Variants in LAMC1 observed in about 807,000 individuals in gnomAD.
LAMC1 encodes the protein laminin subunit gamma 1, also known as laminin subunit gamma-1.
LAMC1 carries 38 observed loss-of-function variants against 173.6 expected under a neutral mutation model. That is an observed-to-expected ratio of 0.22 (90% confidence interval 0.17 to 0.29). LAMC1 has a LOEUF of 0.29. Among genes scored for constraint, LAMC1 ranks in the 10% least tolerant of loss-of-function variants. LAMC1 has a pLI of 1.00. For synonymous variants in LAMC1, 746 were observed against 749.1 expected (o/e 1.00, Z 0.07); for missense variants, 1,824 against 2,051.8 (o/e 0.89, Z 2.14).
intron 1 of LAMC1, among the ~76,000 whole-genome samples, chr1:183,067,898 T>C (rs554959358): frequency 6.6e-6 from 1 of 152,344 alleles, no homozygotes; most frequent in Non-Finnish European, 1.5e-5. Flanking sequence ...GGAAAATCTA[T>C]TATTAGAGGG....
At chr1:183,118,556 C>G (rs1656385916) in intron 11 of LAMC1, among the ~76,000 whole-genome samples, 1 of 152,038 alleles carries the variant, frequency 6.6e-6, no homozygotes, top group Non-Finnish European at 1.5e-5. Context: ...AACCCCGTCT[C>G]TATTAAAAAT....
intron 2 of LAMC1, among the ~76,000 whole-genome samples, chr1:183,104,184 G>C (rs116827451): frequency 0.012 from 1,773 of 152,268 alleles, 29 homozygotes; most frequent in African/African-American, 0.038. Context: ...ACCTAAAATG[G>C]ATGATGTTAG....
chr1:183,100,635 A>G (rs139390952), intron 1 of LAMC1, among the ~76,000 whole-genome samples: 58 of 152,284 alleles, frequency 3.8e-4, no homozygotes, highest in African/African-American at 1.3e-3. Flanking sequence ...TGAACTCATA[A>G]ATCTGGGTTA....
At chr1:183,073,756 A>G (rs1655064567) in intron 1 of LAMC1, among the ~76,000 whole-genome samples, 1 of 152,234 alleles carries the variant, frequency 6.6e-6, no homozygotes, top group African/African-American at 2.4e-5. Context: ...ATGGTTAGGC[A>G]CATTAAAAAA....
chr1:183,089,465 A>G (rs1269210417), intron 1 of LAMC1, among the ~76,000 whole-genome samples: 1 of 152,216 alleles, frequency 6.6e-6, no homozygotes, highest in Non-Finnish European at 1.5e-5. Flanking sequence ...TGAATATGCT[A>G]TATACATAAT....
At chr1:183,096,242 G>A (rs948600328) in intron 1 of LAMC1, among the ~76,000 whole-genome samples, 27 of 152,050 alleles carry the variant, frequency 1.8e-4, no homozygotes, top group African/African-American at 6.5e-4. Flanking sequence ...ATACTTCATC[G>A]AAAAATCTAA....
chr1:183,135,246 CA>C, intron 24 of LAMC1, 90 bp downstream of exon 24: 1 of 751,982 alleles, frequency 1.3e-6, no homozygotes, highest in Non-Finnish European at 2.3e-6. Context: ...TTTATTACTT[CA>C]TCCCCAACTC....
At chr1:183,051,841 T>A (rs1558033152) in intron 1 of LAMC1, among the ~76,000 whole-genome samples, 1 of 152,194 alleles carries the variant, frequency 6.6e-6, no homozygotes, top group East Asian at 1.9e-4. Context: ...ATCACAGGGA[T>A]CTTGTGTCTG....
intron 26 of LAMC1, among the ~76,000 whole-genome samples, chr1:183,139,248 C>T (rs1449015004): frequency 6.6e-6 from 1 of 152,150 alleles, no homozygotes. Context: ...TAAATAACTT[C>T]TAAGGAAACA....
intron 27 of LAMC1, among the ~76,000 whole-genome samples, chr1:183,142,131 G>A (rs1248239185): frequency 1.3e-5 from 2 of 152,080 alleles, no homozygotes; most frequent in African/African-American, 4.8e-5. Flanking sequence ...GAGGGATTAG[G>A]GTTCTTAGAG....
At chr1:183,039,420 T>C (rs1349078789) in intron 1 of LAMC1, among the ~76,000 whole-genome samples, 1 of 152,146 alleles carries the variant, frequency 6.6e-6, no homozygotes, top group African/African-American at 2.4e-5. Context: ...TTTGAATTTG[T>C]GGTATTTTAG....
In LAMC1 at chr1:183,045,124, T is replaced by TG. The variant is rs201842350; in HGVS notation, c.418+20990_418+20991insG. Among the ~76,000 whole-genome samples, 417 of 118,286 alleles carry TG rather than the reference T, an allele frequency of 3.5e-3. 5 individuals carry two copies. Among genetic ancestry groups the TG allele is most frequent in the African/African-American group, 9.5e-3 (332 of 35,046 alleles). 77.6% of individuals were successfully genotyped at this position (118,286 alleles called of 152,430 possible). A position where few individuals can be genotyped will look rare whatever the true frequency, so the allele number is the denominator to read the frequency against. ...AACAACTAGAATCTTCTCAGTAGGT[T>TG]TTTTTTTTTTGGCTTTTTTTGTTTT... On this transcript the variant is annotated intron_variant, in intron 1 of 27. Transcript: ENST00000258341.
Position 183,142,856 on chromosome 1 carries a change from T to C in LAMC1, c.*66T>C, listed in dbSNP as rs1657154381. 2 of 1,495,642 alleles carry C rather than the reference T, an allele frequency of 1.3e-6. No homozygotes were observed. The highest frequency in any genetic ancestry group is 2.8e-5 in the African/African-American group (2 of 71,432). 92.6% of individuals were successfully genotyped at this position (1,495,642 alleles called of 1,614,324 possible). Reference sequence around the variant, plus strand: ...GCAGTTGTGAGGCCACAGAGTGCCTTGACACAAAGATTACATTTTTCAGAC... The same window carrying C: ...GCAGTTGTGAGGCCACAGAGTGCCTCGACACAAAGATTACATTTTTCAGAC... On this transcript the variant is annotated 3_prime_UTR_variant, in exon 28 of 28. Coordinates refer to ENST00000258341, the MANE Select transcript of LAMC1 (RefSeq NM_002293.4).
intron 8 of LAMC1, 94 bp from the exon 9 acceptor site, chr1:183,117,226 A>C: frequency 7.4e-7 from 1 of 1,349,106 alleles, no homozygotes; most frequent in Non-Finnish European, 1.0e-6. Flanking sequence ...TCTGTATACA[A>C]GGTGTGGTCT....
chr1:183,051,511 C>T (rs1654427364), intron 1 of LAMC1, among the ~76,000 whole-genome samples: 1 of 152,230 alleles, frequency 6.6e-6, no homozygotes, highest in Non-Finnish European at 1.5e-5. Context: ...AAATTCTTGA[C>T]TCTCAAAATC....
At chr1:183,139,964 G>A (rs1657059547) in intron 26 of LAMC1, among the ~76,000 whole-genome samples, 1 of 152,028 alleles carries the variant, frequency 6.6e-6, no homozygotes, top group African/African-American at 2.4e-5. Context: ...TCAAAGAATA[G>A]GACATTTCTA....
At chr1:183,120,875 T>C (rs1233491340) in intron 11 of LAMC1, among the ~76,000 whole-genome samples, 1 of 152,210 alleles carries the variant, frequency 6.6e-6, no homozygotes. Flanking sequence ...GCAGAAATTA[T>C]GTAACCTGAG....
At position 183,124,770 on chromosome 1, in the gene LAMC1, A is replaced by T. The variant is rs1470471617; in HGVS notation, c.2541A>T (p.Gly847=). The change falls in exon 14 of 28, where the codon GGA becomes GGT. Residue 847 remains glycine, a synonymous_variant. Coordinates refer to ENST00000258341, the MANE Select transcript of LAMC1 (RefSeq NM_002293.4). ...TTGGAAATTGCAATCGCTTGACGGG[A>T]GAATGCCTGAAGTGCATCTATAACA... The part of the protein sequence containing the change: ...NAVGNCNRLT[G]ECLKCIYNTA... The T allele has an allele frequency of 6.2e-7, 1 of 1,614,054 alleles. No homozygotes were observed. Among genetic ancestry groups the T allele is most frequent in the Non-Finnish European group, 8.5e-7 (1 of 1,180,040 alleles).
chr1:183,054,852 CCTT>C (rs1654542082), intron 1 of LAMC1, among the ~76,000 whole-genome samples: 1 of 152,160 alleles, frequency 6.6e-6, no homozygotes, highest in African/African-American at 2.4e-5. Context: ...CCACTTGACC[CCTT>C]CTTCTACTGA....
Sources: gnomAD v4.1 joint callset for allele counts (sites outside exome capture counted in the v4.1 genomes callset) on GRCh38, gnomAD v4.1.1 for gene constraint, MANE v1.5 for transcripts, NCBI Gene and HGNC (gene_info 2026-07-23, HGNC 2026-07-21) for gene names.